CSMD1: variants seen among roughly 807,000 people sequenced by gnomAD.
The protein encoded by CSMD1 is CUB and sushi domain-containing protein 1.
In CSMD1, 213 loss-of-function variants were observed where a neutral mutation model predicts 417.5. That is an observed-to-expected ratio of 0.51 (90% confidence interval 0.46 to 0.57). The LOEUF (loss-of-function observed/expected upper bound fraction) is 0.57, where lower values mean the gene tolerates loss of function less well. Among genes scored for constraint, CSMD1 ranks in the 20% least tolerant of loss-of-function variants. The pLI is 0.00. For synonymous variants in CSMD1, 2,862 were observed against 1,736.8 expected, an observed-to-expected ratio of 1.65 and a Z score of -16.11; for missense variants, 6,923 against 4,529.7, an observed-to-expected ratio of 1.53 and a Z score of -15.17.
At chr8:4,070,018 AT>A (rs1203882145) in intron 3 of CSMD1, among the ~76,000 whole-genome samples, 2 of 151,692 alleles carry the variant, frequency 1.3e-5, no homozygotes, top group African/African-American at 4.8e-5. Flanking sequence ...GTTCTTAAGA[AT>A]TTTTTTTAAT....
intron 3 of CSMD1, among the ~76,000 whole-genome samples, chr8:4,345,960 C>T (rs1467432284): frequency 1.3e-5 from 2 of 152,162 alleles, no homozygotes; most frequent in Admixed American, 6.6e-5. Flanking sequence ...CTACGCTCTT[C>T]ATACTGACTA....
At chr8:4,588,881 G>T (rs1049841785) in intron 2 of CSMD1, among the ~76,000 whole-genome samples, 3 of 151,848 alleles carry the variant, frequency 2.0e-5, no homozygotes, top group African/African-American at 4.8e-5. Flanking sequence ...ATGTGATGTG[G>T]CATTAAAAAC....
intron 2 of CSMD1, among the ~76,000 whole-genome samples, chr8:4,484,426 G>C (rs1259387621): frequency 6.6e-6 from 1 of 152,076 alleles, no homozygotes; most frequent in East Asian, 1.9e-4. Context: ...GACACAGAGA[G>C]GGATGGGGGT....
chr8:3,855,671 C>T (rs1804250646), intron 5 of CSMD1, among the ~76,000 whole-genome samples: 1 of 152,080 alleles, frequency 6.6e-6, no homozygotes, highest in Middle Eastern at 3.2e-3. Flanking sequence ...CTTCATTAAT[C>T]ATAACTGTTA....
chr8:3,796,891 C>T (rs756576479), intron 5 of CSMD1, among the ~76,000 whole-genome samples: 19 of 151,708 alleles, frequency 1.3e-4, no homozygotes, highest in Non-Finnish European at 1.8e-4. Flanking sequence ...AAATTCCTCA[C>T]GGTTCTGCCT....
chr8:3,925,861 T>C (rs1487187695), intron 5 of CSMD1, among the ~76,000 whole-genome samples: 2 of 152,040 alleles, frequency 1.3e-5, no homozygotes, highest in African/African-American at 4.8e-5. Flanking sequence ...GGGACCTTTA[T>C]TAATTTATTT....
intron 2 of CSMD1, among the ~76,000 whole-genome samples, chr8:4,529,898 T>A (rs573832619): frequency 6.6e-6 from 1 of 151,136 alleles, no homozygotes; most frequent in South Asian, 2.1e-4. Context: ...ATTTATTTAA[T>A]TTTTTTATTT....
chr8:3,151,542 C>A (rs182808133), intron 39 of CSMD1, 29 bp from the exon 40 acceptor site: 7 of 1,398,422 alleles, frequency 5.0e-6, no homozygotes, highest in East Asian at 2.3e-5. Flanking sequence ...GTCAGTCCTG[C>A]AGGTCCTCAC....
At chr8:3,658,590 T>C (rs191831053) in intron 7 of CSMD1, among the ~76,000 whole-genome samples, 1,856 of 151,668 alleles carry the variant, frequency 0.012, 49 homozygotes, top group African/African-American at 0.043. Context: ...TGAGACCAGC[T>C]TGGCCAACAT....
rs1796891401 is a variant in CSMD1, at chr8:3,199,740, G to C, written c.5168C>G (p.Ala1723Gly). ...TTGATACACGAAGTGGAAGCCGCGG[G>C]CAGAGGCACCGCTCTTTGCACTGAA... ...LRFSAKSGAS[A>G]RGFHFVYQAV... The change falls in exon 33 of 70, where the codon GCC becomes GGC. Residue 1723 changes from alanine (A) to glycine (G), a missense_variant. Ala to Gly is a moderately conservative substitution (Grantham distance 60). Transcript: ENST00000635120. 4.4e-6 allele frequency: 7 copies of C among 1,588,750 alleles called. No individual in the cohort carries two copies. The highest frequency in any genetic ancestry group is 6.0e-6 in the Non-Finnish European group (7 of 1,167,192).
intron 6 of CSMD1, among the ~76,000 whole-genome samples, chr8:3,723,260 G>C (rs964663249): frequency 6.6e-6 from 1 of 152,126 alleles, no homozygotes; most frequent in East Asian, 1.9e-4. Flanking sequence ...AACGGGGACT[G>C]TCCCAATTCG....
intron 50 of CSMD1, among the ~76,000 whole-genome samples, chr8:3,044,112 T>A (rs1031882769): frequency 1.3e-5 from 2 of 152,168 alleles, no homozygotes; most frequent in South Asian, 2.1e-4. Context: ...TATGTTATAT[T>A]CTTTTAATCA....
At chr8:4,815,694 CAAAAAAAAAAAA>C (rs1218931391) in intron 1 of CSMD1, among the ~76,000 whole-genome samples, 2 of 67,634 alleles carry the variant, frequency 3.0e-5, no homozygotes, top group South Asian at 6.0e-4. Flanking sequence ...AAAGCTGTCT[CAAAAAAAAAAAA>C]AAAAAAAAAA....
intron 2 of CSMD1, among the ~76,000 whole-genome samples, chr8:4,504,358 G>T (rs1802412119): frequency 6.6e-6 from 1 of 152,112 alleles, no homozygotes; most frequent in Admixed American, 6.6e-5. Context: ...GGGGTACATG[G>T]TTTGGGTTAT....
At chr8:3,870,541 T>C (rs1262602362) in intron 5 of CSMD1, among the ~76,000 whole-genome samples, 1 of 152,140 alleles carries the variant, frequency 6.6e-6, no homozygotes, top group Non-Finnish European at 1.5e-5. Flanking sequence ...CAAATTACCC[T>C]CCAGAAATGT....
At chr8:3,272,306 C>T (rs1477493474) in intron 26 of CSMD1, among the ~76,000 whole-genome samples, 4,712 of 143,582 alleles carry the variant, frequency 0.033, 329 homozygotes, top group African/African-American at 0.12. Context: ...GTTTTGGTAC[C>T]AGTACCATGC....
intron 3 of CSMD1, among the ~76,000 whole-genome samples, chr8:4,078,214 T>G (rs1161796916): frequency 6.6e-6 from 1 of 152,344 alleles, no homozygotes; most frequent in East Asian, 1.9e-4. Context: ...CATCATTTTT[T>G]TCTTTTAATT....
chr8:3,654,409 T>C (rs73181168), intron 7 of CSMD1, among the ~76,000 whole-genome samples: 9,456 of 152,208 alleles, frequency 0.062, 354 homozygotes, highest in Non-Finnish European at 0.092. Context: ...AAAGTACCCT[T>C]TGGTGTAGTC....
intron 3 of CSMD1, among the ~76,000 whole-genome samples, chr8:4,302,446 C>G (rs1798028623): frequency 6.6e-6 from 1 of 152,144 alleles, no homozygotes; most frequent in African/African-American, 2.4e-5. Context: ...GTGGTTTTAT[C>G]ACACATATCG....
Sources: allele counts gnomAD v4.1 joint callset (sites outside exome capture counted in the v4.1 genomes callset), GRCh38; gene constraint gnomAD v4.1.1; transcripts MANE v1.5; gene names NCBI Gene and HGNC (gene_info 2026-07-23, HGNC 2026-07-21).